CHODL: variants seen among roughly 807,000 people sequenced by gnomAD.
The protein encoded by CHODL is chondrolectin, also known as transmembrane protein MT75.
A neutral mutation model predicts 34.5 loss-of-function variants in CHODL; 29 were observed. The observed-to-expected ratio is 0.84, with a 90% CI of 0.63 to 1.15. The LOEUF (loss-of-function observed/expected upper bound fraction) is 1.15, where lower values mean the gene tolerates loss of function less well. Among genes scored for constraint, CHODL ranks in the 50% most tolerant of loss-of-function variants. The pLI is 0.00. For missense variants in CHODL, 332 were observed against 332.5 expected, an observed-to-expected ratio of 1.00 and a Z score of 0.01; for synonymous variants, 125 against 116.1, an observed-to-expected ratio of 1.08 and a Z score of -0.49.
At chr21:18,036,656 A>G (rs541069486) in intron 2 of CHODL, among the ~76,000 whole-genome samples, 78 of 152,116 alleles carry the variant, frequency 5.1e-4, no homozygotes, top group Non-Finnish European at 1.0e-3. Flanking sequence ...TCTATTATAT[A>G]TATTATCATG....
At chr21:18,007,340 C>T (rs1470093062) in intron 1 of CHODL, among the ~76,000 whole-genome samples, 1 of 152,194 alleles carries the variant, frequency 6.6e-6, no homozygotes, top group Non-Finnish European at 1.5e-5. Context: ...TGGCACATTT[C>T]CCAGTGAACT....
chr21:18,002,347 A>T (rs1468170016), intron 1 of CHODL, among the ~76,000 whole-genome samples: 1 of 152,232 alleles, frequency 6.6e-6, no homozygotes, highest in Non-Finnish European at 1.5e-5. Context: ...CAGTCTTAAA[A>T]GATGTCACAA....
At chr21:18,069,539 A>AATAT (rs71318122) in intron 2 of CHODL, among the ~76,000 whole-genome samples, 4,136 of 147,414 alleles carry the variant, frequency 0.028, 59 homozygotes, top group Non-Finnish European at 0.033. Context: ...ATATATGTGG[A>AATAT]ATATATATAT....
chr21:18,054,254 TG>T (rs1364360646), intron 2 of CHODL, among the ~76,000 whole-genome samples: 2 of 152,054 alleles, frequency 1.3e-5, no homozygotes, highest in East Asian at 3.9e-4. Flanking sequence ...AACTAACTGA[TG>T]TGTGATAGAG....
intron 1 of CHODL, chr21:18,022,266 C>T (rs1568848081): frequency 1.3e-5 from 2 of 152,202 alleles, no homozygotes; most frequent in Non-Finnish European, 2.9e-5. Flanking sequence ...CTGCTAGCTA[C>T]AGGCTTTCCT....
chr21:18,187,355 C>T (rs1476993565), intron 2 of CHODL, among the ~76,000 whole-genome samples: 2 of 152,154 alleles, frequency 1.3e-5, no homozygotes, highest in African/African-American at 4.8e-5. Flanking sequence ...CAAGCCCACT[C>T]TGATACCTTC....
chr21:18,107,060 A>G (rs1022965758), intron 2 of CHODL, among the ~76,000 whole-genome samples: 3 of 152,228 alleles, frequency 2.0e-5, no homozygotes, highest in African/African-American at 7.2e-5. Context: ...CCTCTCCCTA[A>G]TAAATAGTCC....
At chr21:18,055,003 A>G (rs2064561584) in intron 2 of CHODL, among the ~76,000 whole-genome samples, 1 of 151,920 alleles carries the variant, frequency 6.6e-6, no homozygotes, top group South Asian at 2.1e-4. Context: ...CTCTTCTTTC[A>G]CAGTTCATTG....
At chr21:18,254,414 T>C (rs77227339) in intron 1 of CHODL, among the ~76,000 whole-genome samples, 5 of 152,244 alleles carry the variant, frequency 3.3e-5, no homozygotes, top group African/African-American at 1.2e-4. Context: ...ACTCAGAAAG[T>C]AGAAGAGGCT....
At chr21:18,084,319 A>G (rs1650057824) in intron 2 of CHODL, among the ~76,000 whole-genome samples, 2 of 152,056 alleles carry the variant, frequency 1.3e-5, no homozygotes, top group Admixed American at 6.5e-5. Flanking sequence ...CTATAGGTTT[A>G]GTTCTTGTTT....
At chr21:18,099,409 A>G (rs973226236) in intron 2 of CHODL, among the ~76,000 whole-genome samples, 1 of 151,488 alleles carries the variant, frequency 6.6e-6, no homozygotes, top group Admixed American at 6.6e-5. Context: ...TAAAAATAAT[A>G]ATATATATTA....
chr21:18,173,528 T>C (rs1047938271), intron 2 of CHODL, among the ~76,000 whole-genome samples: 3 of 152,206 alleles, frequency 2.0e-5, no homozygotes, highest in Admixed American at 6.5e-5. Flanking sequence ...ATGACAAATG[T>C]AGTCAAAATC....
At chr21:18,203,965 C>G (rs915921598) in intron 2 of CHODL, among the ~76,000 whole-genome samples, 2 of 152,244 alleles carry the variant, frequency 1.3e-5, no homozygotes, top group Non-Finnish European at 1.5e-5. Context: ...ACAACTGATA[C>G]AAATCTTCAA....
At chr21:18,222,935 G>A (rs186494028) in intron 2 of CHODL, among the ~76,000 whole-genome samples, 313 of 152,210 alleles carry the variant, frequency 2.1e-3, no homozygotes, top group African/African-American at 7.0e-3. Context: ...GAGATTCTCC[G>A]CCAGTACAGT....
intron 1 of CHODL, among the ~76,000 whole-genome samples, chr21:17,925,289 G>A (rs899991433): frequency 2.6e-5 from 4 of 152,158 alleles, no homozygotes; most frequent in Non-Finnish European, 5.9e-5. Context: ...AGTTTTCACA[G>A]GTTTAAAATT....
rs187232232 is a variant in CHODL, at chr21:18,117,775, T to A, written c.-45+89804T>A. On this transcript the variant is annotated intron_variant, in intron 2 of 6. Coordinates refer to the CHODL transcript ENST00000400127. ...TGAAATAGACATTTTAAAAGGGAGG[T>A]AGTTGTTATTTTAAAATTGAATTGA... Among the ~76,000 whole-genome samples the A allele has an allele frequency of 8.0e-5, 12 of 150,304 alleles. No homozygotes were observed. In the East Asian group the frequency reaches 2.3e-3, roughly 29 times the overall value.
At chr21:18,213,835 C>A (rs1008053162) in intron 2 of CHODL, among the ~76,000 whole-genome samples, 1 of 151,976 alleles carries the variant, frequency 6.6e-6, no homozygotes, top group Non-Finnish European at 1.5e-5. Flanking sequence ...TGAGTCAAGT[C>A]AAAATGAGTT....
rs554415001 is a variant in CHODL, at chr21:18,023,485, G to A, written c.-144-4387G>A. 3.3e-5 allele frequency among the ~76,000 whole-genome samples: 5 copies of A among 152,162 alleles called. No homozygotes were observed. The South Asian group carries it at 1.0e-3, about 32-fold the overall frequency. On this transcript the variant is annotated intron_variant, in intron 1 of 6. Transcript: ENST00000400127. ...GCTGAGCTTGGGTAACAAAAAGGATGTCGCGAACCCAATCAGGAATGAAGG... is the reference window on the plus strand; with the variant it reads ...GCTGAGCTTGGGTAACAAAAAGGATATCGCGAACCCAATCAGGAATGAAGG...
At chr21:18,241,452 A>G (rs2074081308), upstream of CHODL, among the ~76,000 whole-genome samples, 1 of 152,226 alleles carries the variant, frequency 6.6e-6, no homozygotes, top group Non-Finnish European at 1.5e-5. Flanking sequence ...TCTCAAATGT[A>G]TTAATGTAAA....
Sources: allele counts gnomAD v4.1 joint callset (sites outside exome capture counted in the v4.1 genomes callset), GRCh38; gene constraint gnomAD v4.1.1; transcripts MANE v1.5; gene names NCBI Gene and HGNC (gene_info 2026-07-23, HGNC 2026-07-21).